The following SUN1 variants were observed in gnomAD, a reference collection of about 807,000 sequenced individuals.
SUN1 encodes the protein Sad1 and UNC84 domain containing 1.
Under a neutral mutation model 103.2 loss-of-function variants are expected in SUN1, and 61 were observed. The observed-to-expected ratio is 0.59, with a 90% confidence interval of 0.48 to 0.73. The LOEUF is 0.73. Among genes scored for constraint, SUN1 ranks in the 30% least tolerant of loss-of-function variants. The probability of loss-of-function intolerance (pLI) is 0.00; values close to 1 mark genes in which losing one functional copy is unlikely to be tolerated. For missense variants in SUN1, 1,052 were observed against 1,034.6 expected (o/e 1.02, Z -0.23); for synonymous variants, 490 against 425.7 (o/e 1.15, Z -1.86).
upstream of SUN1, chr7:816,077 C>T (rs1447660917): frequency 4.1e-6 from 1 of 241,810 alleles, no homozygotes; most frequent in Non-Finnish European, 8.3e-6. Flanking sequence ...TGCGGACGCC[C>T]TCCCCCAGAT....
upstream of SUN1, chr7:832,039 A>G: frequency 2.0e-6 from 2 of 987,674 alleles, no homozygotes; most frequent in Non-Finnish European, 2.4e-6. Context: ...TGATTCTGAG[A>G]TGCTTGTGAG....
intron 13 of SUN1, among the ~76,000 whole-genome samples, chr7:859,422 A>G (rs1479244272): frequency 1.3e-5 from 2 of 152,214 alleles, no homozygotes; most frequent in Non-Finnish European, 1.5e-5. Flanking sequence ...GCCCTTGGGA[A>G]TCATCCTACA....
upstream of SUN1, chr7:815,897 G>C (rs115123918): frequency 6.6e-3 from 1,497 of 227,166 alleles, 26 homozygotes; most frequent in African/African-American, 0.033. Flanking sequence ...AGCAATGGGA[G>C]ACGTGCGGAA....
At chr7:821,482 G>A (rs1001059290) in intron 1 of SUN1, among the ~76,000 whole-genome samples, 6 of 152,136 alleles carry the variant, frequency 3.9e-5, no homozygotes, top group South Asian at 2.1e-4. Context: ...TTCAAAGAAC[G>A]CTGATATTTA....
chr7:855,109 T>C (rs1825895267), intron 11 of SUN1, 103 bp downstream of exon 11: 1 of 891,010 alleles, frequency 1.1e-6, no homozygotes, highest in East Asian at 2.7e-5. Context: ...TTTTAGGCTA[T>C]TTGCTGTTTG....
At chr7:826,996 A>G (rs1210651567) in intron 1 of SUN1, among the ~76,000 whole-genome samples, 1 of 151,998 alleles carries the variant, frequency 6.6e-6, no homozygotes, top group Non-Finnish European at 1.5e-5. Context: ...TGGTGTGTTG[A>G]TTTTATTTCA....
chr7:873,184 C>T, intron 18 of SUN1, 31 bp from the exon 19 acceptor site: 1 of 1,586,084 alleles, frequency 6.3e-7, no homozygotes, highest in Non-Finnish European at 8.7e-7. Flanking sequence ...ATATGAAATA[C>T]ATGTGTGTGT....
At chr7:820,586 T>C (rs1223139393) in intron 1 of SUN1, among the ~76,000 whole-genome samples, 1 of 152,220 alleles carries the variant, frequency 6.6e-6, no homozygotes, top group Non-Finnish European at 1.5e-5. Flanking sequence ...TGGGGAGAAC[T>C]TCCAGTATAG....
intron 1 of SUN1, 29 bp from the exon 2 acceptor site, chr7:838,769 C>T: frequency 1.3e-6 from 2 of 1,516,000 alleles, no homozygotes; most frequent in Non-Finnish European, 1.8e-6. Flanking sequence ...ATAAGCACTG[C>T]TTACCTCTGA....
At chr7:843,870 G>A (rs765660961) in intron 5 of SUN1, 67 of 1,307,486 alleles carry the variant, frequency 5.1e-5, no homozygotes, top group Non-Finnish European at 6.5e-5. Context: ...TGAAGGAGTG[G>A]CTTTGGGACG....
At chr7:817,443 C>T (rs1208457946) in intron 1 of SUN1, 2 of 1,535,992 alleles carry the variant, frequency 1.3e-6, no homozygotes, top group East Asian at 2.4e-5. Flanking sequence ...GAACACCTTG[C>T]CACTGTCACC....
At chr7:838,557 C>T (rs1422129500) in intron 1 of SUN1, among the ~76,000 whole-genome samples, 1 of 152,176 alleles carries the variant, frequency 6.6e-6, no homozygotes, top group African/African-American at 2.4e-5. Flanking sequence ...TGGGCCCCAG[C>T]ATCTGGGAAT....
chr7:867,862 T>C (rs1387468504), intron 16 of SUN1, among the ~76,000 whole-genome samples: 2 of 151,802 alleles, frequency 1.3e-5, no homozygotes, highest in Non-Finnish European at 2.9e-5. Context: ...TGCCACACGG[T>C]GGAATGTACC....
At chr7:824,200 C>G (rs182650253) in intron 1 of SUN1, among the ~76,000 whole-genome samples, 2 of 152,338 alleles carry the variant, frequency 1.3e-5, no homozygotes, top group East Asian at 3.9e-4. Context: ...GATCTCCGCA[C>G]AGGATGAGAA....
intron 1 of SUN1, among the ~76,000 whole-genome samples, chr7:825,047 A>G (rs1272748351): frequency 1.3e-5 from 2 of 151,798 alleles, no homozygotes; most frequent in Non-Finnish European, 2.9e-5. Flanking sequence ...TTTGAAAGTG[A>G]TATTTATTAC....
At position 838,829 on chromosome 7, in the gene SUN1, G is replaced by C. The variant is rs1806118395; in HGVS notation, c.109G>C (p.Glu37Gln). ...SSYSSDALDF[E>Q]TEHKLDPVFD... ...CTATTCTTCAGATGCTCTGGATTTT[G>C]AGACGGAGCACAAATTGGACCCTGT... The change falls in exon 2 of 19, where the codon GAG (glutamate) becomes CAG (glutamine). Residue 37 changes from glutamate (E) to glutamine (Q), a missense_variant. This residue lies in a region of SUN1 where 846 missense variants were observed against 774.5 expected (regional missense o/e 1.09). Transcript: ENST00000401592. 6.4e-7 allele frequency: 1 copy of C among 1,563,084 alleles called. No individual in the cohort carries two copies. The highest frequency in any genetic ancestry group is 1.3e-5 in the African/African-American group (1 of 74,136).
chr7:861,562 G>A (rs1832257221), intron 15 of SUN1, 98 bp downstream of exon 15: 1 of 1,178,374 alleles, frequency 8.5e-7, no homozygotes, highest in Admixed American at 1.8e-5. Context: ...CCAGCAGTAA[G>A]GACTCCTAAC....
At position 873,555 on chromosome 7, in the gene SUN1, G is replaced by C. The variant is rs1033112267; in HGVS notation, c.*224G>C. ...CAGAGGGGTCAGCAGCAGGAGAAGC[G>C]TGTTGAACACGTGGCTCTCAGACAC... On this transcript the variant is annotated 3_prime_UTR_variant, in exon 19 of 19. Coordinates refer to ENST00000401592, the MANE Select transcript of SUN1 (RefSeq NM_001130965.3). The C allele has an allele frequency of 6.0e-6, 3 of 501,482 alleles. No homozygotes were observed. The highest frequency in any genetic ancestry group is 1.1e-5 in the Non-Finnish European group (3 of 281,928). The allele number at this position is 501,482 out of a possible 1,614,324, so 31.1% of individuals were successfully genotyped here. A position where few individuals can be genotyped will look rare whatever the true frequency, so the allele number is the denominator to read the frequency against.
intron 11 of SUN1, among the ~76,000 whole-genome samples, 173 bp from the exon 12 acceptor site, chr7:856,185 A>G (rs1827124265): frequency 6.6e-6 from 1 of 152,230 alleles, no homozygotes; most frequent in African/African-American, 2.4e-5. Flanking sequence ...CACGTAATGA[A>G]GGTTACTTTG....
Sources: gnomAD v4.1 joint callset for allele counts (sites outside exome capture counted in the v4.1 genomes callset) on GRCh38, gnomAD v4.1.1 for gene constraint, gnomAD v4.1.1 regional missense constraint, MANE v1.5 for transcripts, NCBI Gene and HGNC (gene_info 2026-07-23, HGNC 2026-07-21) for gene names.